The following OSTN variants were observed in gnomAD, a reference collection of about 807,000 sequenced individuals.
OSTN encodes osteocrin.
Under a neutral mutation model 12.0 loss-of-function variants are expected in OSTN, and 9 were observed. The observed-to-expected ratio is 0.75, with a 90% CI of 0.45 to 1.30. OSTN has a LOEUF of 1.30. Among genes scored for constraint, OSTN ranks in the 50% most tolerant of loss-of-function variants. The pLI is 0.00. For synonymous variants in OSTN, 59 were observed against 56.9 expected, an observed-to-expected ratio of 1.04 and a Z score of -0.16; for missense variants, 148 against 152.3, an observed-to-expected ratio of 0.97 and a Z score of 0.15.
chr3:191,246,748 A>G (rs117308823), intron 3 of OSTN, among the ~76,000 whole-genome samples: 1 of 81,018 alleles, frequency 1.2e-5, no homozygotes, highest in East Asian at 5.1e-4. Context: ...GGAAGAGGAG[A>G]AGGAGGAGAA....
At chr3:191,223,484 C>T (rs1032434138) in intron 3 of OSTN, among the ~76,000 whole-genome samples, 6 of 152,110 alleles carry the variant, frequency 3.9e-5, no homozygotes, top group African/African-American at 1.4e-4. Context: ...ACAGCACAAC[C>T]ATCAAACTTT....
intron 3 of OSTN, among the ~76,000 whole-genome samples, chr3:191,239,104 A>G (rs1202722009): frequency 6.6e-6 from 1 of 152,254 alleles, no homozygotes; most frequent in African/African-American, 2.4e-5. Flanking sequence ...GTCTTGAACA[A>G]AGAATTAAAC....
chr3:191,258,713 G>A (rs1715733360), intron 4 of OSTN, among the ~76,000 whole-genome samples: 1 of 151,282 alleles, frequency 6.6e-6, no homozygotes, highest in African/African-American at 2.4e-5. Context: ...CCCAAAAGAG[G>A]AAAGCACCAT....
chr3:191,256,952 C>A (rs1184984738), intron 4 of OSTN, among the ~76,000 whole-genome samples: 1 of 151,978 alleles, frequency 6.6e-6, no homozygotes, highest in Non-Finnish European at 1.5e-5. Flanking sequence ...GAGGCCAAGG[C>A]AAGAGGACCA....
chr3:191,206,788 CAGACTTTGTGTT>C (rs887320463), intron 1 of OSTN, among the ~76,000 whole-genome samples: 2 of 152,212 alleles, frequency 1.3e-5, no homozygotes, highest in Non-Finnish European at 2.9e-5. Context: ...GAGAGCTATG[CAGACTTTGTGTT>C]AAGCACTGTC....
At chr3:191,227,897 T>C (rs1358401034) in intron 3 of OSTN, among the ~76,000 whole-genome samples, 1 of 152,210 alleles carries the variant, frequency 6.6e-6, no homozygotes, top group Non-Finnish European at 1.5e-5. Context: ...TATCAGGTGT[T>C]ATAATTTTAT....
chr3:191,241,675 A>T (rs1715325630), intron 3 of OSTN, among the ~76,000 whole-genome samples: 1 of 152,234 alleles, frequency 6.6e-6, no homozygotes, highest in South Asian at 2.1e-4. Context: ...AAAAGTTTTA[A>T]TGACACCCGA....
At chr3:191,224,437 T>C (rs2108536771) in intron 3 of OSTN, among the ~76,000 whole-genome samples, 1 of 150,236 alleles carries the variant, frequency 6.7e-6, no homozygotes, top group Middle Eastern at 3.5e-3. Flanking sequence ...TTGTTTAAAA[T>C]CCAAGACCGA....
rs1715847367 is a variant in OSTN, at chr3:191,263,048, G to A, written c.*195G>A. On this transcript the variant is annotated 3_prime_UTR_variant, in exon 5 of 5. Transcript: ENST00000682035. ...TCAATTAAATTGTGTAAATCATTTT[G>A]ATGCACGTACATTTTAAAATTATAT... 1.3e-5 allele frequency: 7 copies of A among 534,964 alleles called. No homozygotes were observed. Among genetic ancestry groups the A allele is most frequent in the Non-Finnish European group, 2.3e-5 (7 of 300,244 alleles). 33.1% of individuals were successfully genotyped at this position (534,964 alleles called of 1,614,324 possible).
At chr3:191,199,825 T>C (rs1714113791) in intron 1 of OSTN, among the ~76,000 whole-genome samples, 2 of 152,160 alleles carry the variant, frequency 1.3e-5, no homozygotes, top group African/African-American at 2.4e-5. Flanking sequence ...AAATATGATA[T>C]TAATAACATA....
intron 1 of OSTN, among the ~76,000 whole-genome samples, chr3:191,202,602 A>C (rs1714174683): frequency 6.6e-6 from 1 of 152,196 alleles, no homozygotes; most frequent in East Asian, 1.9e-4. Context: ...CAAATATTTT[A>C]TATAAGTACA....
At chr3:191,251,741 C>T (rs1395056403) in intron 4 of OSTN, among the ~76,000 whole-genome samples, 1 of 152,194 alleles carries the variant, frequency 6.6e-6, no homozygotes, top group Non-Finnish European at 1.5e-5. Flanking sequence ...TAATCAGCAT[C>T]ATCTTCAAAA....
At chr3:191,221,135 T>G (rs1380514639) in intron 3 of OSTN, among the ~76,000 whole-genome samples, 1 of 152,202 alleles carries the variant, frequency 6.6e-6, no homozygotes, top group Non-Finnish European at 1.5e-5. Context: ...TGCCACCATG[T>G]GGAGAAGGAC....
intron 3 of OSTN, among the ~76,000 whole-genome samples, chr3:191,235,400 C>T (rs1316213421): frequency 6.6e-6 from 1 of 152,134 alleles, no homozygotes; most frequent in South Asian, 2.1e-4. Context: ...CACAATCTCC[C>T]CTATCACAGT....
chr3:191,218,623 C>CA lies in OSTN; in HGVS notation c.103-117dup, dbSNP rs537989199. On this transcript the variant is annotated intron_variant, in intron 2 of 4. Transcript: ENST00000682035. Reference sequence around the variant, plus strand: ...TGACAACAAGCACAAAACTTTGTCTCAAAAAAATTGTAAGATGTTACATGA... The same window carrying CA: ...TGACAACAAGCACAAAACTTTGTCTCAAAAAAAATTGTAAGATGTTACATGA... 1.1e-3 allele frequency: 890 copies of CA among 776,820 alleles called. 10 individuals are homozygous for CA. The highest frequency in any genetic ancestry group is 0.011 in the South Asian group (610 of 53,682). 48.1% of individuals were successfully genotyped at this position (776,820 alleles called of 1,614,324 possible).
rs2108560585 is a variant in OSTN, at chr3:191,265,017, T to G, written c.*2164T>G. 6.6e-6 allele frequency: 1 copy of G among 152,300 alleles called. No homozygotes were observed. The highest frequency in any genetic ancestry group is 2.1e-4 in the South Asian group (1 of 4,830). The allele number at this position is 152,300 out of a possible 1,614,324, so 9.4% of individuals were successfully genotyped here. On this transcript the variant is annotated 3_prime_UTR_variant, in exon 5 of 5. Transcript: ENST00000682035. ...AAGGGAAGAAAATGTTTTCTCCACTTATAACTCTATTTTATTTCATATTTT... is the reference window on the plus strand; with the variant it reads ...AAGGGAAGAAAATGTTTTCTCCACTGATAACTCTATTTTATTTCATATTTT...
chr3:191,238,158 G>A lies in OSTN; in HGVS notation c.318-11879G>A, dbSNP rs9830522. Among the ~76,000 whole-genome samples the A allele has an allele frequency of 7.9e-3, 1,197 of 151,862 alleles. 23 individuals are homozygous for A. The highest frequency in any genetic ancestry group is 0.028 in the African/African-American group (1,172 of 41,420). On this transcript the variant is annotated intron_variant, in intron 3 of 4. Coordinates refer to ENST00000682035, the MANE Select transcript of OSTN (RefSeq NM_198184.2). ...GAAAATGAGCTCCATTTCAGGTGTG[G>A]GAAACACAAAAAAGGGATACAGTGT...
chr3:191,222,446 C>T (rs1714791636), intron 3 of OSTN, among the ~76,000 whole-genome samples: 1 of 152,230 alleles, frequency 6.6e-6, no homozygotes, highest in South Asian at 2.1e-4. Flanking sequence ...GTAGCCCCTT[C>T]ATTTTGACCA....
chr3:191,223,088 G>A (rs1391647068), intron 3 of OSTN, among the ~76,000 whole-genome samples: 2 of 152,042 alleles, frequency 1.3e-5, no homozygotes, highest in African/African-American at 4.8e-5. Flanking sequence ...ATAGCAGTGT[G>A]AGAATGGACT....
Sources: gnomAD v4.1 joint callset for allele counts (sites outside exome capture counted in the v4.1 genomes callset) on GRCh38, gnomAD v4.1.1 for gene constraint, MANE v1.5 for transcripts, NCBI Gene and HGNC (gene_info 2026-07-23, HGNC 2026-07-21) for gene names.